The following SP2 variants were observed in gnomAD, a reference collection of about 807,000 sequenced individuals.
SP2 encodes transcription factor Sp2.
Under a neutral mutation model 50.1 loss-of-function variants are expected in SP2, and 9 were observed. The ratio of observed to expected loss-of-function variants is 0.18; its 90% CI spans 0.11 to 0.31. The LOEUF is 0.31. SP2 is among the 10% of genes least tolerant of loss of function. The probability of loss-of-function intolerance (pLI) is 1.00; values close to 1 mark genes in which losing one functional copy is unlikely to be tolerated. For missense variants in SP2, 581 were observed against 806.5 expected, an observed-to-expected ratio of 0.72 and a Z score of 3.39; for synonymous variants, 313 against 326.6, an observed-to-expected ratio of 0.96 and a Z score of 0.45.
At position 47,927,784 on chromosome 17, in the gene SP2, C is replaced by A; in HGVS notation, c.1802C>A (p.Thr601Asn). 2 of 1,599,276 alleles carry A rather than the reference C, an allele frequency of 1.3e-6. No individual in the cohort carries two copies. The highest frequency in any genetic ancestry group is 1.7e-6 in the Non-Finnish European group (2 of 1,172,718). The change falls in exon 7 of 7, where the codon ACC becomes AAC. Residue 601 changes from threonine (T) to asparagine (N), a missense_variant. Thr to Asn is a moderately conservative substitution (Grantham distance 65). Transcript: ENST00000376741. ...QKRFMRSDHL[T>N]KHYKTHLVTK... ...CGCTTCATGAGGAGTGACCACCTCA[C>A]CAAGCATTACAAGACCCACCTGGTC...
chr17:47,930,778 T>G (rs545678297), downstream of SP2, among the ~76,000 whole-genome samples: 1 of 152,174 alleles, frequency 6.6e-6, no homozygotes, highest in African/African-American at 2.4e-5. Flanking sequence ...GGGCCCCACA[T>G]GTGTAGTTCC....
intron 1 of SP2, among the ~76,000 whole-genome samples, chr17:47,911,804 CAA>C (rs35302370): frequency 1.6e-4 from 11 of 70,520 alleles, no homozygotes; most frequent in Admixed American, 1.6e-4. Flanking sequence ...GACTCCGTCT[CAA>C]AAAAAAAAAA....
chr17:47,931,502 G>A (rs189770548), downstream of SP2, among the ~76,000 whole-genome samples: 328 of 152,312 alleles, frequency 2.2e-3, 2 homozygotes, highest in African/African-American at 7.6e-3. Flanking sequence ...CCCAGGGTAG[G>A]TGTGTAGGAG....
chr17:47,897,110 A>G (rs185424704), intron 1 of SP2, among the ~76,000 whole-genome samples: 3 of 152,328 alleles, frequency 2.0e-5, no homozygotes, highest in East Asian at 3.9e-4. Context: ...ATCTTAAGGA[A>G]TTACAGAAGA....
intron 4 of SP2, among the ~76,000 whole-genome samples, 166 bp from the exon 5 acceptor site, chr17:47,924,753 T>G (rs913455157): frequency 6.6e-6 from 1 of 152,142 alleles, no homozygotes; most frequent in African/African-American, 2.4e-5. Context: ...TCATGGAGAT[T>G]AAATGAGTCC....
rs371106023 is a variant in SP2, at chr17:47,916,463, A to C, written c.392A>C (p.Gln131Pro). The change falls in exon 3 of 7, where the codon CAG becomes CCG. Residue 131 changes from glutamine to proline, a missense_variant. By Grantham distance (76) the Gln-to-Pro change is moderately conservative (BLOSUM62 -1). Coordinates refer to ENST00000376741, the MANE Select transcript of SP2 (RefSeq NM_003110.6). This position sits in a 1 kb window ranked among gnomAD's most constrained non-coding sequence, Gnocchi z 4.7. ...GGGACCCGATCAAATGCCAATATCCAGTACCAGGCGGTCCCTCAGATTCAG... is the reference window on the plus strand; with the variant it reads ...GGGACCCGATCAAATGCCAATATCCCGTACCAGGCGGTCCCTCAGATTCAG... ...NKGTRSNANIQYQAVPQIQAS... is the reference protein window; with the variant it reads ...NKGTRSNANIPYQAVPQIQAS... 52 of 1,614,034 alleles carry C rather than the reference A, an allele frequency of 3.2e-5. No homozygotes were observed. Among genetic ancestry groups the C allele is most frequent in the Admixed American group, 2.2e-4 (13 of 59,984 alleles).
chr17:47,923,377 G>A, intron 4 of SP2, 103 bp downstream of exon 4: 3 of 947,828 alleles, frequency 3.2e-6, no homozygotes, highest in South Asian at 3.2e-5. Flanking sequence ...TAGTGAGGAT[G>A]CTGTCCATCA....
chr17:47,921,133 C>T (rs2035440098), intron 3 of SP2, among the ~76,000 whole-genome samples: 1 of 152,216 alleles, frequency 6.6e-6, no homozygotes, highest in East Asian at 1.9e-4. Flanking sequence ...TAGGGTCAAC[C>T]ATTTCTTCTC....
At chr17:47,896,557 C>T (rs757550857) in intron 1 of SP2, among the ~76,000 whole-genome samples, 12 of 152,184 alleles carry the variant, frequency 7.9e-5, no homozygotes, top group African/African-American at 2.2e-4. Context: ...GCGGCGCTTC[C>T]GGGGGCCGGC....
chr17:47,928,373 GAC>G lies in SP2; in HGVS notation c.*552_*553del. The G allele has an allele frequency of 6.5e-6, 1 of 154,880 alleles. No homozygotes were observed. The highest frequency in any genetic ancestry group is 2.0e-4 in the South Asian group (1 of 4,898). 9.6% of individuals were successfully genotyped at this position (154,880 alleles called of 1,614,324 possible). ...ATTCCAGCTCTATTTAAAAAGTAAA[GAC>G]ACCCACCGACTCCTGATCCCCCTCT... On this transcript the variant is annotated 3_prime_UTR_variant, in exon 7 of 7. Coordinates refer to ENST00000376741, the MANE Select transcript of SP2 (RefSeq NM_003110.6).
intron 1 of SP2, among the ~76,000 whole-genome samples, chr17:47,902,030 A>G (rs1567687657): frequency 6.6e-6 from 1 of 152,100 alleles, no homozygotes; most frequent in South Asian, 2.1e-4. Flanking sequence ...AAATGAGGAT[A>G]AGGTAAAAAA....
chr17:47,931,245 AG>A (rs1480230354), downstream of SP2, among the ~76,000 whole-genome samples: 1 of 152,116 alleles, frequency 6.6e-6, no homozygotes, highest in Non-Finnish European at 1.5e-5. Flanking sequence ...TGGGAGGTTG[AG>A]GCAGGCAGGA....
chr17:47,914,398 T>A (rs1598138146), intron 1 of SP2, among the ~76,000 whole-genome samples: 2 of 150,210 alleles, frequency 1.3e-5, no homozygotes, highest in East Asian at 3.9e-4. Flanking sequence ...AATTGACCCA[T>A]GTGCTGTATA....
chr17:47,924,612 A>G (rs1269014728), intron 4 of SP2, among the ~76,000 whole-genome samples: 3 of 152,230 alleles, frequency 2.0e-5, no homozygotes, highest in Non-Finnish European at 1.5e-5. Flanking sequence ...GGTTCAGGGC[A>G]CTGACTTTGA....
At chr17:47,926,612 T>C (rs538058746) in intron 6 of SP2, among the ~76,000 whole-genome samples, 1 of 152,120 alleles carries the variant, frequency 6.6e-6, no homozygotes, top group Admixed American at 6.5e-5. Flanking sequence ...TACTAGCAAA[T>C]CAATGCAAAA....
intron 6 of SP2, 95 bp downstream of exon 6, chr17:47,925,636 T>A: frequency 1.0e-6 from 1 of 965,040 alleles, no homozygotes; most frequent in Non-Finnish European, 1.6e-6. Context: ...ACATTGACAC[T>A]CCTGGAACTG....
At chr17:47,926,349 T>C (rs2035651901) in intron 6 of SP2, among the ~76,000 whole-genome samples, 1 of 151,494 alleles carries the variant, frequency 6.6e-6, no homozygotes, top group African/African-American at 2.4e-5. Flanking sequence ...GTCTCACTCT[T>C]TCACCCAGGC....
downstream of SP2, among the ~76,000 whole-genome samples, chr17:47,930,149 A>G (rs1598183870): frequency 2.0e-5 from 3 of 152,184 alleles, no homozygotes; most frequent in Non-Finnish European, 4.4e-5. Flanking sequence ...TCAGCTCTGC[A>G]TCTCATCACC....
chr17:47,916,824 C>T lies in SP2; in HGVS notation c.753C>T (p.Ser251=). 2 of 1,613,902 alleles carry T rather than the reference C, an allele frequency of 1.2e-6. No homozygotes were observed. Among genetic ancestry groups the T allele is most frequent in the Non-Finnish European group, 1.7e-6 (2 of 1,179,748 alleles). The change falls in exon 3 of 7, where the codon AGC becomes AGT. Residue 251 remains serine (S), a synonymous_variant. Coordinates refer to ENST00000376741, the MANE Select transcript of SP2 (RefSeq NM_003110.6). The surrounding 1 kb of genome is among the most constrained non-coding windows in gnomAD (Gnocchi z 4.7). ...CTAACAAGAAAGCAAGGAAGAAGAG[C>T]CTTCCTGCCTCCCAGCCCCCTGTGG... ...SKTNKKARKK[S]LPASQPPVAV... is the part of the protein sequence containing the mutation.
Sources: allele counts gnomAD v4.1 joint callset (sites outside exome capture counted in the v4.1 genomes callset), GRCh38; gene constraint gnomAD v4.1.1; non-coding constraint Gnocchi (gnomAD v3.1); transcripts MANE v1.5; gene names NCBI Gene and HGNC (gene_info 2026-07-23, HGNC 2026-07-21).